FIBP: variants seen among roughly 807,000 people sequenced by gnomAD.
The protein encoded by FIBP is FGF1 intracellular binding protein, also known as acidic fibroblast growth factor intracellular-binding protein.
In FIBP, 29 loss-of-function variants were observed where a neutral mutation model predicts 40.5. The ratio of observed to expected loss-of-function variants is 0.72; its 90% confidence interval spans 0.53 to 0.98. FIBP has a LOEUF of 0.98. Ranked by LOEUF, FIBP falls within the 50% of genes least tolerant of loss-of-function variation. The pLI is 0.00. For synonymous variants in FIBP, 215 were observed against 191.1 expected (o/e 1.13, Z -1.03); for missense variants, 411 against 470.2 (o/e 0.87, Z 1.16).
At position 65,886,408 on chromosome 11, in the gene FIBP, T is replaced by C. The variant is rs1860239950; in HGVS notation, c.426A>G (p.Lys142=). The change falls in exon 4 of 10, where the codon AAA becomes AAG. Residue 142 remains lysine (K), a synonymous_variant. Transcript: ENST00000357519. ...KSCRRQFDNF[K]RVFKVVEEMR... is the part of the protein sequence containing the mutation. ...TTTCCTCTACCACCTTGAAGACCCG[T>C]TTAAAGTTGTCAAACTGCAGGGCAG... 1.2e-5 allele frequency: 20 copies of C among 1,613,290 alleles called. No individual in the cohort carries two copies. Among genetic ancestry groups the C allele is most frequent in the African/African-American group, 1.3e-5 (1 of 74,834 alleles).
In FIBP at chr11:65,887,661, T is replaced by C. The variant is rs757665801; in HGVS notation, c.350A>G (p.Lys117Arg). ...GGTGCTGATGTCATCCAGGTCTTTC[T>C]TGGTGCCTTTGGACAGCTTCTTGCC... ...VLGKKLSKGTKKDLDDISTKT... is the reference protein window; with the variant it reads ...VLGKKLSKGTRKDLDDISTKT... Residue 117 changes from lysine (K) to arginine (R), a missense_variant, in exon 3 of 10, where the codon AAG becomes AGG. Transcript: ENST00000357519. 11 of 1,614,042 alleles carry C rather than the reference T, an allele frequency of 6.8e-6. No homozygotes were observed. In the South Asian group the frequency reaches 1.1e-4, roughly 16 times the overall value.
Position 65,885,557 on chromosome 11 carries a change from T to C in FIBP, c.619A>G (p.Ile207Val). 3 of 1,614,058 alleles carry C rather than the reference T, an allele frequency of 1.9e-6. No homozygotes were observed. Among genetic ancestry groups the C allele is most frequent in the South Asian group, 1.1e-5 (1 of 91,068 alleles). Reference sequence around the variant, plus strand: ...ACGGCTCCAAGGGTCCAGTTTTGGATCATGAGCTCAGCGCAGAAGGCAAAG... The same window carrying C: ...ACGGCTCCAAGGGTCCAGTTTTGGACCATGAGCTCAGCGCAGAAGGCAAAG... ...GDFAFCAELM[I>V]QNWTLGAVDS... Residue 207 changes from isoleucine (I) to valine (V), a missense_variant, in exon 5 of 10, where the codon ATC (isoleucine) becomes GTC (valine). Transcript: ENST00000357519.
intron 7 of FIBP, 100 bp from the exon 8 acceptor site, chr11:65,884,756 T>C: frequency 2.2e-6 from 3 of 1,336,468 alleles, no homozygotes; most frequent in Non-Finnish European, 3.2e-6. Flanking sequence ...CCCAGATCCA[T>C]CCACCTCCCT....
chr11:65,887,675 C>A lies in FIBP; in HGVS notation c.336G>T (p.Leu112=), dbSNP rs147829024. 1.9e-6 allele frequency: 3 copies of A among 1,614,134 alleles called. No individual in the cohort carries two copies. The highest frequency in any genetic ancestry group is 2.5e-6 in the Non-Finnish European group (3 of 1,180,024). The change falls in exon 3 of 10, where the codon CTG becomes CTT. Residue 112 remains leucine, a synonymous_variant. Coordinates refer to ENST00000357519, the MANE Select transcript of FIBP (RefSeq NM_004214.5). ...AFVREVLGKK[L]SKGTKKDLDD... ...CCAGGTCTTTCTTGGTGCCTTTGGA[C>A]AGCTTCTTGCCCAGCACCTCCCGAA...
intron 4 of FIBP, chr11:65,886,009 C>T: frequency 2.2e-6 from 1 of 450,542 alleles, no homozygotes. Flanking sequence ...CAGTCTGGTC[C>T]AAAGTACAGA....
chr11:65,884,432 T>G lies in FIBP; in HGVS notation c.964A>C (p.Asn322His), dbSNP rs992557170. 3 of 1,614,066 alleles carry G rather than the reference T, an allele frequency of 1.9e-6. No homozygotes were observed. The highest frequency in any genetic ancestry group is 2.5e-6 in the Non-Finnish European group (3 of 1,179,982). Residue 322 changes from asparagine (N) to histidine (H), a missense_variant, in exon 9 of 10, where the codon AAT becomes CAT. Asn to His is a moderately conservative substitution (Grantham distance 68, BLOSUM62 1). Transcript: ENST00000357519. Reference protein sequence around the residue: ...WPLSDVRFFLNQYSASVHSLD... With the variant: ...WPLSDVRFFLHQYSASVHSLD... ...GAGTGGACAGACGCTGAATACTGAT[T>G]CAGGAAGAACCGCACGTCGCTGAGT... is the stretch of plus-strand genomic sequence containing the variant.
chr11:65,887,031 C>A, intron 3 of FIBP: 1 of 218,428 alleles, frequency 4.6e-6, no homozygotes, highest in Non-Finnish European at 9.3e-6. Flanking sequence ...TAGGTCAAAG[C>A]CAAGGAGTGC....
chr11:65,884,284 C>T, intron 9 of FIBP, 108 bp downstream of exon 9: 1 of 1,070,350 alleles, frequency 9.3e-7, no homozygotes, highest in Non-Finnish European at 1.4e-6. Flanking sequence ...ACTTTGGTCC[C>T]ACCCCCAGGG....
chr11:65,886,733 C>T, intron 3 of FIBP: 1 of 280,296 alleles, frequency 3.6e-6, no homozygotes, highest in Non-Finnish European at 6.7e-6. Context: ...ACTTTCCTGG[C>T]TAAGCCCTAG....
At chr11:65,885,758 C>T (rs1860219410) in intron 4 of FIBP, 95 bp from the exon 5 acceptor site, 2 of 1,196,910 alleles carry the variant, frequency 1.7e-6, no homozygotes. Flanking sequence ...CGAGTTCTGG[C>T]CTCTCTCTGC....
chr11:65,886,535 C>T, intron 3 of FIBP, 113 bp from the exon 4 acceptor site: 1 of 713,268 alleles, frequency 1.4e-6, no homozygotes, highest in Non-Finnish European at 2.6e-6. Context: ...ATCCAGTCAG[C>T]AGATGCTGAT....
intron 3 of FIBP, 31 bp downstream of exon 3, chr11:65,887,569 G>C (rs1460816295): frequency 1.3e-5 from 21 of 1,612,628 alleles, no homozygotes; most frequent in Non-Finnish European, 1.7e-5. Context: ...GTGTAGATGG[G>C]ATGCTGTGTC....
chr11:65,885,030 C>T (rs373942573), intron 6 of FIBP, 32 bp from the exon 7 acceptor site: 354 of 1,613,858 alleles, frequency 2.2e-4, no homozygotes, highest in Non-Finnish European at 2.8e-4. Context: ...CCTATAGCCA[C>T]CTGGGCCCCT....
In FIBP at chr11:65,887,701, C is replaced by G; in HGVS notation, c.310G>C (p.Val104Leu). 1 of 1,614,182 alleles carries G rather than the reference C, an allele frequency of 6.2e-7. No individual in the cohort carries two copies. The highest frequency in any genetic ancestry group is 8.5e-7 in the Non-Finnish European group (1 of 1,180,036). The change falls in exon 3 of 10, where the codon GTT (valine) becomes CTT (leucine). Residue 104 changes from valine to leucine, a missense_variant. Transcript: ENST00000357519. ...ERYYAFDEAFVREVLGKKLSK... is the reference protein window; with the variant it reads ...ERYYAFDEAFLREVLGKKLSK... ...AGCTTCTTGCCCAGCACCTCCCGAA[C>G]AAAGGCCTCATCAAAGGCATAGTAC...
intron 3 of FIBP, chr11:65,886,635 G>T (rs1335096928): frequency 5.9e-6 from 3 of 510,476 alleles, no homozygotes; most frequent in African/African-American, 1.9e-5. Context: ...ATCTTGCCTT[G>T]GATAAATGTT....
chr11:65,887,593 T>A lies in FIBP; in HGVS notation c.411+7A>T, dbSNP rs1416142231. On this transcript the variant is annotated splice_region_variant and intron_variant, in intron 3 of 9. Transcript: ENST00000357519. ...GGATGCTGTGTCCGTGTGGATGCAGTGCATACCTGTCTCCGGCAGCTCTTG... is the reference window on the plus strand; with the variant it reads ...GGATGCTGTGTCCGTGTGGATGCAGAGCATACCTGTCTCCGGCAGCTCTTG... 6.2e-7 allele frequency: 1 copy of A among 1,613,530 alleles called. No individual in the cohort carries two copies. The highest frequency in any genetic ancestry group is 8.5e-7 in the Non-Finnish European group (1 of 1,179,858).
In FIBP at chr11:65,885,664, C is replaced by G. The variant is rs746309301; in HGVS notation, c.513-1G>C. ...AAAGAAGACGATGGCTGCATAGTCC[C>G]TGCACAGACGAGAGGAGGGTCCTCT... On this transcript the variant is annotated splice_acceptor_variant, in intron 4 of 9. Transcript: ENST00000357519. LOFTEE classifies it high-confidence loss of function. 2.5e-6 allele frequency: 4 copies of G among 1,610,288 alleles called. No homozygotes were observed. The highest frequency in any genetic ancestry group is 4.5e-5 in the East Asian group (2 of 44,830).
chr11:65,887,531 G>T, intron 3 of FIBP, 69 bp downstream of exon 3: 1 of 1,538,814 alleles, frequency 6.5e-7, no homozygotes. Flanking sequence ...GGCTGGAACT[G>T]GGCCAGTGGC....
At chr11:65,884,291 A>G in intron 9 of FIBP, 101 bp downstream of exon 9, 1 of 1,115,392 alleles carries the variant, frequency 9.0e-7, no homozygotes, top group Non-Finnish European at 1.3e-6. Context: ...TCCCACCCCC[A>G]GGGTAGCAGA....
Sources: gnomAD v4.1 joint callset for allele counts on GRCh38, gnomAD v4.1.1 for gene constraint, MANE v1.5 for transcripts, NCBI Gene and HGNC (gene_info 2026-07-23, HGNC 2026-07-21) for gene names.